The following RGS6 variants were observed in gnomAD, a reference collection of about 807,000 sequenced individuals.
The protein encoded by RGS6 is regulator of G protein signaling 6, also known as regulator of G-protein signaling 6.
Under a neutral mutation model 78.5 loss-of-function variants are expected in RGS6, and 30 were observed. The observed-to-expected ratio is 0.38, with a 90% CI of 0.29 to 0.52. RGS6 has a LOEUF of 0.52. Among genes scored for constraint, RGS6 ranks in the 20% least tolerant of loss-of-function variants. The probability of loss-of-function intolerance (pLI) is 0.85; values close to 1 mark genes in which losing one functional copy is unlikely to be tolerated. For missense variants in RGS6, 495 were observed against 609.7 expected, an observed-to-expected ratio of 0.81 and a Z score of 1.98; for synonymous variants, 206 against 206.0, an observed-to-expected ratio of 1.00 and a Z score of 0.00.
intron 3 of RGS6, among the ~76,000 whole-genome samples, chr14:72,397,278 T>C (rs1566729296): frequency 1.3e-5 from 2 of 151,834 alleles, no homozygotes; most frequent in African/African-American, 4.8e-5. Context: ...CCTTGTAAGT[T>C]GGATTCCTAG....
At chr14:72,172,169 C>T (rs371861306) in intron 2 of RGS6, among the ~76,000 whole-genome samples, 8 of 151,854 alleles carry the variant, frequency 5.3e-5, no homozygotes, top group Non-Finnish European at 8.8e-5. Flanking sequence ...TAATGGGCTG[C>T]GCTAGTTTGC....
At chr14:72,628,672 G>A in the RGS6 span, among the ~76,000 whole-genome samples, 1 of 151,938 alleles carries the variant, frequency 6.6e-6, no homozygotes, top group Non-Finnish European at 1.5e-5. Context: ...GACAGAGTTG[G>A]TGAGAGGAGA....
At chr14:71,874,407 G>A in the RGS6 span, among the ~76,000 whole-genome samples, 1 of 152,088 alleles carries the variant, frequency 6.6e-6, no homozygotes, top group Non-Finnish European at 1.5e-5. Flanking sequence ...TGAAGCAATT[G>A]TGAATGGGAG....
chr14:72,489,155 G>GCCCCCCCCCCC (rs1443927486), intron 12 of RGS6, among the ~76,000 whole-genome samples: 5 of 116,414 alleles, frequency 4.3e-5, no homozygotes, highest in African/African-American at 1.0e-4. Flanking sequence ...GGACAAAGGG[G>GCCCCCCCCCCC]GCCCCCCCAC....
intron 2 of RGS6, among the ~76,000 whole-genome samples, chr14:72,185,467 A>T (rs891354557): frequency 6.6e-6 from 1 of 152,200 alleles, no homozygotes; most frequent in East Asian, 1.9e-4. Context: ...GATGAGAGTA[A>T]TGGTTATATC....
chr14:71,973,303 G>A (rs780726428), intron 2 of RGS6, among the ~76,000 whole-genome samples: 1 of 151,734 alleles, frequency 6.6e-6, no homozygotes, highest in Non-Finnish European at 1.5e-5. Context: ...TTTAAAAACA[G>A]GTAAGTCAGA....
chr14:72,253,197 C>G (rs1414563556), intron 2 of RGS6, among the ~76,000 whole-genome samples: 1 of 152,226 alleles, frequency 6.6e-6, no homozygotes, highest in African/African-American at 2.4e-5. Context: ...TGTGACTCAG[C>G]CATGCTCTTC....
chr14:71,873,610 G>A, the RGS6 span, among the ~76,000 whole-genome samples: 3 of 152,084 alleles, frequency 2.0e-5, no homozygotes, highest in Non-Finnish European at 4.4e-5. Flanking sequence ...CACTCTGAGG[G>A]TAGTTTCTTT....
chr14:71,948,884 TTC>T (rs2091947131), intron 1 of RGS6, among the ~76,000 whole-genome samples: 1 of 151,880 alleles, frequency 6.6e-6, no homozygotes, highest in Admixed American at 6.6e-5. Context: ...CACTGTAACT[TTC>T]TCTTTTTTGA....
chr14:72,135,510 T>A (rs1298516418), intron 2 of RGS6, among the ~76,000 whole-genome samples: 2 of 152,210 alleles, frequency 1.3e-5, no homozygotes, highest in African/African-American at 2.4e-5. Flanking sequence ...TTCTGGCATG[T>A]TTTTTATATT....
intron 2 of RGS6, among the ~76,000 whole-genome samples, chr14:72,188,815 G>A (rs149637): frequency 0.18 from 27,780 of 151,982 alleles, 2,761 homozygotes; most frequent in East Asian, 0.35. Context: ...CGACACCAAT[G>A]TGCCTTAAAA....
chr14:72,076,345 A>G (rs902896817), intron 2 of RGS6, among the ~76,000 whole-genome samples: 5 of 152,176 alleles, frequency 3.3e-5, no homozygotes, highest in African/African-American at 7.2e-5. Context: ...CCTATTCAGT[A>G]TAGTTTTTAA....
downstream of RGS6, among the ~76,000 whole-genome samples, chr14:72,570,636 A>G (rs1599259905): frequency 6.6e-6 from 1 of 152,362 alleles, no homozygotes; most frequent in East Asian, 1.9e-4. Context: ...AGATTAGCAC[A>G]GATTTAGAAA....
intron 2 of RGS6, among the ~76,000 whole-genome samples, chr14:72,147,916 A>G (rs978042416): frequency 1.4e-4 from 21 of 152,126 alleles, no homozygotes; most frequent in East Asian, 9.7e-4. Context: ...CAGATCACGA[A>G]GTCAGGAGAT....
rs578216569 is a variant in RGS6 at position 72,499,726 on chromosome 14, G to A, written c.965+4464G>A. Reference sequence around the variant, plus strand: ...CTGGGCTTTTGCCTGTTCCCTCCTCGTTGGCCACTTGTCCCCCAGATCCTC... The same window carrying A: ...CTGGGCTTTTGCCTGTTCCCTCCTCATTGGCCACTTGTCCCCCAGATCCTC... On this transcript the variant is annotated intron_variant, in intron 13 of 17. Transcript: ENST00000553525. 1.9e-4 allele frequency among the ~76,000 whole-genome samples: 29 copies of A among 151,008 alleles called. No individual in the cohort carries two copies. In the South Asian group the frequency reaches 4.2e-3, roughly 22 times the overall value.
rs2087987058 is a variant in RGS6, at chr14:71,932,528, G to A, written c.-434G>A. On this transcript the variant is annotated 5_prime_UTR_variant, in exon 1 of 18. Transcript: ENST00000553525. The stretch of plus-strand genomic sequence containing the variant: ...GTTCCTACAGCCGCCGGAGCCGCCA[G>A]GCGCCGAGGGAACGGACAGACCTCC... The A allele has an allele frequency of 6.6e-6, 1 of 152,062 alleles. No homozygotes were observed. The highest frequency in any genetic ancestry group is 1.5e-5 in the Non-Finnish European group (1 of 68,000). The allele number at this position is 152,062 out of a possible 1,614,324, so 9.4% of individuals were successfully genotyped here. A position where few individuals can be genotyped will look rare whatever the true frequency, so the allele number is the denominator to read the frequency against.
chr14:72,132,652 C>T (rs1402105554), intron 2 of RGS6, among the ~76,000 whole-genome samples: 2 of 151,398 alleles, frequency 1.3e-5, no homozygotes, highest in Non-Finnish European at 2.9e-5. Context: ...TTCACACACT[C>T]TTTTTTTTTA....
the RGS6 span, among the ~76,000 whole-genome samples, chr14:72,583,408 T>C: frequency 2.6e-5 from 4 of 152,230 alleles, no homozygotes; most frequent in Non-Finnish European, 4.4e-5. Flanking sequence ...ATCCTATTGG[T>C]TCTGTTTCTC....
chr14:72,626,600 G>A, the RGS6 span, among the ~76,000 whole-genome samples: 41 of 152,168 alleles, frequency 2.7e-4, no homozygotes, highest in African/African-American at 9.2e-4. Context: ...TGGATATTTA[G>A]GTTGTTTCCA....
Sources: gnomAD v4.1 joint callset for allele counts (sites outside exome capture counted in the v4.1 genomes callset) on GRCh38, gnomAD v4.1.1 for gene constraint, MANE v1.5 for transcripts, NCBI Gene and HGNC (gene_info 2026-07-23, HGNC 2026-07-21) for gene names.